The following ARHGEF28 variants were observed in gnomAD, a reference collection of about 807,000 sequenced individuals.
ARHGEF28 encodes Rho guanine nucleotide exchange factor 28.
In ARHGEF28, 152 loss-of-function variants were observed where a neutral mutation model predicts 206.6. The observed-to-expected ratio is 0.74, with a 90% CI of 0.64 to 0.84. The LOEUF (loss-of-function observed/expected upper bound fraction) is 0.84. Ranked by LOEUF, ARHGEF28 falls within the 40% of genes least tolerant of loss-of-function variation. ARHGEF28 has a pLI of 0.00. For synonymous variants in ARHGEF28, 763 were observed against 776.4 expected, an observed-to-expected ratio of 0.98 and a Z score of 0.29; for missense variants, 2,028 against 2,073.2, an observed-to-expected ratio of 0.98 and a Z score of 0.42.
At chr5:73,802,913 TG>T (rs1755228803) in intron 9 of ARHGEF28, among the ~76,000 whole-genome samples, 1 of 151,228 alleles carries the variant, frequency 6.6e-6, no homozygotes, top group Non-Finnish European at 1.5e-5. Flanking sequence ...TGTGTGTGTG[TG>T]TGTGTGTTGG....
At chr5:73,755,748 G>T (rs1462542920) in intron 4 of ARHGEF28, among the ~76,000 whole-genome samples, 1 of 152,152 alleles carries the variant, frequency 6.6e-6, no homozygotes, top group Admixed American at 6.5e-5. Flanking sequence ...AATAAGTTTG[G>T]AGAACGCTTG....
At chr5:73,666,040 G>C (rs992566887) in intron 1 of ARHGEF28, among the ~76,000 whole-genome samples, 2 of 152,140 alleles carry the variant, frequency 1.3e-5, no homozygotes, top group African/African-American at 2.4e-5. Flanking sequence ...GTTCCTTCCA[G>C]TTGTGAGCAT....
At chr5:73,762,584 A>T (rs1023614732) in intron 4 of ARHGEF28, among the ~76,000 whole-genome samples, 2 of 152,170 alleles carry the variant, frequency 1.3e-5, no homozygotes, top group Admixed American at 1.3e-4. Context: ...ACAGGTATAT[A>T]AGTATTACAT....
rs753386846 is a variant in ARHGEF28, at chr5:73,848,998, G to A, written c.1658G>A (p.Arg553His). 3.4e-5 allele frequency: 54 copies of A among 1,570,906 alleles called. No individual in the cohort carries two copies. The highest frequency in any genetic ancestry group is 8.2e-5 in the South Asian group (7 of 85,432). The change falls in exon 13 of 36, where the codon CGC becomes CAC. Residue 553 changes from arginine to histidine, a missense_variant. This residue lies in a region of ARHGEF28 where 1,002 missense variants were observed against 1,015.3 expected (regional missense o/e 0.99). Coordinates refer to ENST00000513042, the MANE Select transcript of ARHGEF28 (RefSeq NM_001177693.2). ...TAGGAATCACTGCTTTCTGGAGTTC[G>A]CTCACGTTCTTATTCTTGCTCATCA... ...QSKESLLSGV[R>H]SRSYSCSSPK... is the part of the protein sequence containing the mutation.
At chr5:73,774,362 T>G (rs1753421769) in intron 5 of ARHGEF28, among the ~76,000 whole-genome samples, 1 of 152,202 alleles carries the variant, frequency 6.6e-6, no homozygotes, top group Non-Finnish European at 1.5e-5. Context: ...TAATTCAGAA[T>G]GTTAAATAAG....
intron 26 of ARHGEF28, among the ~76,000 whole-genome samples, chr5:73,890,965 G>C (rs890381679): frequency 6.6e-6 from 1 of 152,248 alleles, no homozygotes; most frequent in Non-Finnish European, 1.5e-5. Flanking sequence ...AGACATTGGA[G>C]GATCACAGTA....
intron 4 of ARHGEF28, among the ~76,000 whole-genome samples, chr5:73,772,422 A>G (rs570982716): frequency 7.2e-5 from 11 of 152,198 alleles, no homozygotes; most frequent in Admixed American, 2.6e-4. Flanking sequence ...TTTGTGGCCC[A>G]GGTTGGCATG....
At chr5:73,850,977 C>T (rs1470391327) in intron 13 of ARHGEF28, among the ~76,000 whole-genome samples, 1 of 152,098 alleles carries the variant, frequency 6.6e-6, no homozygotes, top group African/African-American at 2.4e-5. Context: ...ACTTATATGG[C>T]TGCAAACATT....
In ARHGEF28 at chr5:73,875,930, C is replaced by A. The variant is rs1488021365; in HGVS notation, c.2814+2684C>A. On this transcript the variant is annotated intron_variant, in intron 22 of 35. Transcript: ENST00000513042. The stretch of plus-strand genomic sequence containing the variant: ...TCTTTTTTGGTTCCATATGAACTTT[C>A]AAGTAGTTTTTTCCAATTCTGTGAA... 2.1e-3 allele frequency among the ~76,000 whole-genome samples: 318 copies of A among 151,748 alleles called. 5 individuals carry two copies. The East Asian group carries it at 0.056, about 27-fold the overall frequency.
intron 1 of ARHGEF28, among the ~76,000 whole-genome samples, chr5:73,663,221 G>T (rs1745727066): frequency 1.3e-5 from 2 of 152,188 alleles, no homozygotes; most frequent in African/African-American, 4.8e-5. Context: ...CTCCCAAAGT[G>T]CTGGGATTAC....
At chr5:73,884,386 T>TAAGC (rs1761133384) in intron 24 of ARHGEF28, among the ~76,000 whole-genome samples, 2 of 152,232 alleles carry the variant, frequency 1.3e-5, no homozygotes, top group South Asian at 4.1e-4. Flanking sequence ...GGCTGGTCTG[T>TAAGC]AAGCTCCTTG....
chr5:73,671,694 TTATATATA>T (rs1182569252), intron 1 of ARHGEF28, among the ~76,000 whole-genome samples: 964 of 75,566 alleles, frequency 0.013, 6 homozygotes, highest in Non-Finnish European at 0.02. Flanking sequence ...TTGAACTTGA[TTATATATA>T]TATATATATA....
chr5:73,832,975 A>G (rs1757395459), intron 10 of ARHGEF28, among the ~76,000 whole-genome samples: 1 of 152,224 alleles, frequency 6.6e-6, no homozygotes, highest in Non-Finnish European at 1.5e-5. Context: ...GTATCATATT[A>G]TAAAGAAGCT....
chr5:73,875,283 A>G (rs1760389735), intron 22 of ARHGEF28, among the ~76,000 whole-genome samples: 3 of 149,596 alleles, frequency 2.0e-5, no homozygotes, highest in South Asian at 4.2e-4. Flanking sequence ...TTTTTCTTGT[A>G]AATTTGTTTG....
At chr5:73,703,430 G>A (rs915209953) in intron 2 of ARHGEF28, among the ~76,000 whole-genome samples, 2 of 152,108 alleles carry the variant, frequency 1.3e-5, no homozygotes. Flanking sequence ...CACTCAGGTG[G>A]ATCTCAGGCC....
At chr5:73,929,023 C>T (rs1763970356) in intron 35 of ARHGEF28, among the ~76,000 whole-genome samples, 1 of 152,176 alleles carries the variant, frequency 6.6e-6, no homozygotes. Flanking sequence ...GCAAGATCCG[C>T]CTCCCAGGTT....
At chr5:73,857,940 G>T (rs1474984615) in intron 15 of ARHGEF28, 147 bp from the exon 16 acceptor site, 3 of 1,366,932 alleles carry the variant, frequency 2.2e-6, no homozygotes, top group Admixed American at 4.9e-5. Context: ...ACATTTAGGT[G>T]TTATGGTGTC....
At chr5:73,650,322 T>TCAC (rs1744728427) in intron 1 of ARHGEF28, among the ~76,000 whole-genome samples, 1 of 131,534 alleles carries the variant, frequency 7.6e-6, no homozygotes, top group Non-Finnish European at 1.5e-5. Context: ...TCTCATTCTG[T>TCAC]CACCCAGGCT....
intron 9 of ARHGEF28, among the ~76,000 whole-genome samples, chr5:73,818,284 A>C (rs192592088): frequency 1.3e-5 from 2 of 152,210 alleles, no homozygotes; most frequent in Non-Finnish European, 2.9e-5. Context: ...ATCTGAAAAA[A>C]TAATCCTTGA....
Sources: gnomAD v4.1 joint callset for allele counts (sites outside exome capture counted in the v4.1 genomes callset) on GRCh38, gnomAD v4.1.1 for gene constraint, gnomAD v4.1.1 regional missense constraint, MANE v1.5 for transcripts, NCBI Gene and HGNC (gene_info 2026-07-23, HGNC 2026-07-21) for gene names.